Variants in TRIM37 observed in about 807,000 individuals in gnomAD.
TRIM37 encodes E3 ubiquitin-protein ligase TRIM37.
A neutral mutation model predicts 129.8 loss-of-function variants in TRIM37; 80 were observed. That is an observed-to-expected ratio of 0.62 (90% confidence interval 0.51 to 0.74). The LOEUF (loss-of-function observed/expected upper bound fraction) is 0.74, where lower values mean the gene tolerates loss of function less well. Ranked by LOEUF, TRIM37 falls within the 30% of genes least tolerant of loss-of-function variation. The probability of loss-of-function intolerance (pLI) is 0.00; values close to 1 mark genes in which losing one functional copy is unlikely to be tolerated. For missense variants in TRIM37, 1,054 were observed against 1,176.5 expected (o/e 0.90, Z 1.52); for synonymous variants, 389 against 387.1 (o/e 1.00, Z -0.06).
In TRIM37 at chr17:59,012,518, G is replaced by A. The variant is rs1386049005; in HGVS notation, c.2577-72C>T. ...ATAATCTATATTTTCTTTTTGAACTGAGCACCAAACTAAGTAGGGTACGTG... is the reference window on the plus strand; with the variant it reads ...ATAATCTATATTTTCTTTTTGAACTAAGCACCAAACTAAGTAGGGTACGTG... On this transcript the variant is annotated intron_variant, in intron 21 of 23. Coordinates refer to ENST00000262294, the MANE Select transcript of TRIM37 (RefSeq NM_015294.6). 2.8e-6 allele frequency: 3 copies of A among 1,082,388 alleles called. No homozygotes were observed. In the Admixed American group the frequency reaches 5.1e-5, roughly 19 times the overall value. The allele number at this position is 1,082,388 out of a possible 1,614,324, so 67.0% of individuals were successfully genotyped here.
chr17:59,001,602 A>G lies in TRIM37; in HGVS notation c.2808T>C (p.Asp936=), dbSNP rs1206255919. ...AAATGACATCATGTGCTGCACCTTCATCCGGGGGCTGTGTCATGACCATGA... is the reference window on the plus strand; with the variant it reads ...AAATGACATCATGTGCTGCACCTTCGTCCGGGGGCTGTGTCATGACCATGA... ...DSFMVMTQPP[D]EDTHSSFPDG... is the part of the protein sequence containing the mutation. The change falls in exon 23 of 24, where the codon GAT becomes GAC. Residue 936 remains aspartate (D), a synonymous_variant. Transcript: ENST00000262294. 2.5e-6 allele frequency: 4 copies of G among 1,614,036 alleles called. No individual in the cohort carries two copies. Among genetic ancestry groups the G allele is most frequent in the Non-Finnish European group, 3.4e-6 (4 of 1,179,962 alleles).
chr17:59,030,174 C>T (rs1329067579), intron 18 of TRIM37, among the ~76,000 whole-genome samples: 4 of 152,028 alleles, frequency 2.6e-5, no homozygotes, highest in Non-Finnish European at 4.4e-5. Context: ...GGCACGATCT[C>T]GGCTCACTGC....
intron 21 of TRIM37, among the ~76,000 whole-genome samples, chr17:59,013,388 CTGCCCACCTCAGCTTCCCAAAG>C (rs1390417748): frequency 6.6e-6 from 1 of 152,160 alleles, no homozygotes; most frequent in Non-Finnish European, 1.5e-5. Context: ...CTCAAGTGAT[CTGCCCACCTCAGCTTCCCAAAG>C]TGCTGGGGTT....
At position 59,071,824 on chromosome 17, in the gene TRIM37, CACTG is replaced by C. The variant is rs746416029; in HGVS notation, c.685-881_685-878del. Among the ~76,000 whole-genome samples the C allele has an allele frequency of 7.9e-5, 12 of 152,272 alleles. 1 individual carries two copies. The East Asian group carries it at 2.1e-3, about 27-fold the overall frequency. ...AGTTTGAAGTAACTCCCAATTCTGC[CACTG>C]ACTAATTACATAACTCTGAGTCTGT... On this transcript the variant is annotated intron_variant, in intron 8 of 23. Coordinates refer to ENST00000262294, the MANE Select transcript of TRIM37 (RefSeq NM_015294.6).
chr17:58,972,049 A>C, the TRIM37 span: 1 of 1,346,018 alleles, frequency 7.4e-7, no homozygotes, highest in Non-Finnish European at 1.0e-6. Flanking sequence ...CCAGCTGAAA[A>C]GCTTAATTAT....
At chr17:59,076,736 T>C (rs1010117276) in intron 7 of TRIM37, among the ~76,000 whole-genome samples, 2 of 152,240 alleles carry the variant, frequency 1.3e-5, no homozygotes, top group Non-Finnish European at 2.9e-5. Context: ...TTTATCAATC[T>C]GTAGTGTTAT....
chr17:58,996,421 G>C (rs1223402719), downstream of TRIM37, among the ~76,000 whole-genome samples: 1 of 148,196 alleles, frequency 6.7e-6, no homozygotes, highest in East Asian at 2.0e-4. Flanking sequence ...AGTCAGCTGA[G>C]ATCATGCCAC....
intron 5 of TRIM37, among the ~76,000 whole-genome samples, chr17:59,083,210 T>G (rs924943263): frequency 6.6e-6 from 1 of 152,100 alleles, no homozygotes; most frequent in Non-Finnish European, 1.5e-5. Flanking sequence ...CCAAGTCAGG[T>G]GGATCACCTG....
At chr17:59,080,018 AT>A (rs1173256908) in intron 6 of TRIM37, 141 bp from the exon 7 acceptor site, 1 of 913,412 alleles carries the variant, frequency 1.1e-6, no homozygotes, top group African/African-American at 1.7e-5. Context: ...ACTTGCTTAT[AT>A]TTCAAAATGG....
chr17:59,012,215 C>CCAGCAGCAGCAGCAGCAGCAGCAG (rs749441889), intron 22 of TRIM37, 113 bp downstream of exon 22: 83 of 567,252 alleles, frequency 1.5e-4, no homozygotes, highest in African/African-American at 4.1e-4. Context: ...ATCACTACCA[C>CCAGCAGCAGCAGCAGCAGCAGCAG]CAGCAGCAGC....
At chr17:59,033,990 C>A (rs2038177433) in intron 17 of TRIM37, among the ~76,000 whole-genome samples, 1 of 151,500 alleles carries the variant, frequency 6.6e-6, no homozygotes, top group Non-Finnish European at 1.5e-5. Flanking sequence ...ACCTGTAATC[C>A]CAGCTACTCG....
intron 22 of TRIM37, among the ~76,000 whole-genome samples, chr17:59,008,779 GCTT>G (rs1440076044): frequency 6.6e-6 from 1 of 152,082 alleles, no homozygotes; most frequent in African/African-American, 2.4e-5. Flanking sequence ...ACCTAACCAT[GCTT>G]CTTACCAATT....
At chr17:58,989,100 G>A (rs2032099478) in intron 24 of TRIM37, among the ~76,000 whole-genome samples, 1 of 152,162 alleles carries the variant, frequency 6.6e-6, no homozygotes. Context: ...AAGCCAAGAA[G>A]AAAACATTCT....
At chr17:59,040,773 G>A (rs565613084) in intron 17 of TRIM37, among the ~76,000 whole-genome samples, 4 of 152,082 alleles carry the variant, frequency 2.6e-5, no homozygotes, top group East Asian at 1.9e-4. Flanking sequence ...CAGGCCGGGC[G>A]CGGTGGCTCA....
chr17:59,074,670 CAAGA>C (rs2042658570), intron 8 of TRIM37, among the ~76,000 whole-genome samples: 2 of 152,114 alleles, frequency 1.3e-5, no homozygotes, highest in Non-Finnish European at 2.9e-5. Context: ...AGATTCAATA[CAAGA>C]AAGATGTGAA....
intron 16 of TRIM37, among the ~76,000 whole-genome samples, chr17:59,042,445 A>ATATATATATATAT (rs1220676334): frequency 7.5e-4 from 30 of 40,226 alleles, no homozygotes; most frequent in South Asian, 2.4e-3. Context: ...AAAAAAAAAA[A>ATATATATATATAT]AAAAATATAT....
intron 22 of TRIM37, 43 bp from the exon 23 acceptor site, chr17:59,001,757 T>C (rs1000524227): frequency 2.5e-6 from 4 of 1,610,544 alleles, no homozygotes; most frequent in East Asian, 2.2e-5. Flanking sequence ...AAGAAACCAC[T>C]GTAAGTAAAA....
intron 12 of TRIM37, 96 bp downstream of exon 12, chr17:59,060,936 C>A (rs1445191697): frequency 1.2e-6 from 1 of 825,704 alleles, no homozygotes; most frequent in East Asian, 2.7e-5. Flanking sequence ...ACAGACATAC[C>A]AATACAGTAA....
downstream of TRIM37, among the ~76,000 whole-genome samples, chr17:58,994,996 G>T (rs2032840406): frequency 6.6e-6 from 1 of 152,098 alleles, no homozygotes; most frequent in Non-Finnish European, 1.5e-5. Context: ...TGATCCACCT[G>T]CCTCAGCCTC....
Sources: allele counts gnomAD v4.1 joint callset (sites outside exome capture counted in the v4.1 genomes callset), GRCh38; gene constraint gnomAD v4.1.1; transcripts MANE v1.5; gene names NCBI Gene and HGNC (gene_info 2026-07-23, HGNC 2026-07-21).